The following CDH20 variants were observed in gnomAD, a reference collection of about 807,000 sequenced individuals.
The protein encoded by CDH20 is cadherin-20.
A neutral mutation model predicts 74.2 loss-of-function variants in CDH20; 29 were observed. That is an observed-to-expected ratio of 0.39 (90% CI 0.29 to 0.53). The LOEUF (loss-of-function observed/expected upper bound fraction) is 0.53. CDH20 is among the 20% of genes least tolerant of loss of function. The pLI is 0.69. For missense variants in CDH20, 988 were observed against 1,048.3 expected, an observed-to-expected ratio of 0.94 and a Z score of 0.79; for synonymous variants, 469 against 405.4, an observed-to-expected ratio of 1.16 and a Z score of -1.88.
At position 61,490,598 on chromosome 18, in the gene CDH20, A is replaced by T. The variant is rs1228026052; in HGVS notation, c.45A>T (p.Gly15=). 6.2e-7 allele frequency: 1 copy of T among 1,614,124 alleles called. No individual in the cohort carries two copies. The highest frequency in any genetic ancestry group is 1.1e-5 in the South Asian group (1 of 91,080). Residue 15 remains glycine, a synonymous_variant, in exon 2 of 12, where the codon GGA becomes GGT. Transcript: ENST00000262717. The stretch of plus-strand genomic sequence containing the variant: ...TGAGCAATGCAAAGAACTGGCTTGG[A>T]CTTGGCATGTCCTTGTACTTCTGGG... ...GRMSNAKNWL[G]LGMSLYFWGL...
At chr18:61,453,060 A>T (rs1909447332) in intron 1 of CDH20, among the ~76,000 whole-genome samples, 1 of 152,110 alleles carries the variant, frequency 6.6e-6, no homozygotes, top group African/African-American at 2.4e-5. Context: ...ATAGTCCAAC[A>T]TCCCAGCCAG....
At chr18:61,500,039 G>T (rs773981986) in intron 3 of CDH20, among the ~76,000 whole-genome samples, 1 of 142,690 alleles carries the variant, frequency 7.0e-6, no homozygotes, top group Non-Finnish European at 1.5e-5. Context: ...GGGAGGTGGA[G>T]ATTTCAGTGA....
intron 1 of CDH20, among the ~76,000 whole-genome samples, chr18:61,429,580 A>G (rs1913184533): frequency 6.6e-6 from 1 of 152,298 alleles, no homozygotes; most frequent in Middle Eastern, 3.4e-3. Flanking sequence ...ATTTTCTTTT[A>G]GCTTTTGTCA....
At chr18:61,506,149 A>G (rs1360271795) in intron 5 of CDH20, among the ~76,000 whole-genome samples, 1 of 152,262 alleles carries the variant, frequency 6.6e-6, no homozygotes, top group Non-Finnish European at 1.5e-5. Flanking sequence ...TATCATGTAG[A>G]AATTGTATGT....
intron 1 of CDH20, among the ~76,000 whole-genome samples, chr18:61,347,319 T>TATATACAC (rs869054502): frequency 2.1e-4 from 16 of 77,394 alleles, no homozygotes; most frequent in Admixed American, 9.1e-4. Flanking sequence ...TATATATATA[T>TATATACAC]ACACACACAC....
At chr18:61,366,181 T>A (rs1910855092) in intron 1 of CDH20, among the ~76,000 whole-genome samples, 1 of 152,186 alleles carries the variant, frequency 6.6e-6, no homozygotes, top group Non-Finnish European at 1.5e-5. Flanking sequence ...ATCCTACATA[T>A]TATTCATTTC....
chr18:61,550,693 G>C (rs763931392), intron 11 of CDH20, among the ~76,000 whole-genome samples: 1 of 152,192 alleles, frequency 6.6e-6, no homozygotes, highest in Non-Finnish European at 1.5e-5. Flanking sequence ...CTGAAATGCA[G>C]GCAGGCTATA....
chr18:61,474,868 C>T (rs771411278), intron 1 of CDH20, among the ~76,000 whole-genome samples: 1 of 151,704 alleles, frequency 6.6e-6, no homozygotes, highest in Non-Finnish European at 1.5e-5. Context: ...AAGGAAGGGC[C>T]GGGGAAAGGC....
At chr18:61,339,676 T>C (rs907579758) in intron 1 of CDH20, among the ~76,000 whole-genome samples, 1 of 140,440 alleles carries the variant, frequency 7.1e-6, no homozygotes, top group African/African-American at 2.6e-5. Flanking sequence ...CTGATGGTCA[T>C]AGAAATTTTT....
chr18:61,424,077 T>G (rs930026638), intron 1 of CDH20, among the ~76,000 whole-genome samples: 1 of 152,224 alleles, frequency 6.6e-6, no homozygotes, highest in African/African-American at 2.4e-5. Flanking sequence ...TGTCTTCAAC[T>G]CATGTTTGTT....
chr18:61,417,373 TAAGGA>T (rs1912720600), intron 1 of CDH20, among the ~76,000 whole-genome samples: 1 of 151,898 alleles, frequency 6.6e-6, no homozygotes, highest in Non-Finnish European at 1.5e-5. Context: ...ATAGCCAAGA[TAAGGA>T]ATCAACCTAA....
intron 11 of CDH20, 86 bp from the exon 12 acceptor site, chr18:61,554,104 T>C: frequency 6.7e-7 from 1 of 1,500,426 alleles, no homozygotes; most frequent in East Asian, 2.3e-5. Flanking sequence ...CCTTCCCCTA[T>C]CCGTGGTGAA....
chr18:61,392,568 T>C (rs1419581841), intron 1 of CDH20, among the ~76,000 whole-genome samples: 3 of 152,168 alleles, frequency 2.0e-5, no homozygotes, highest in African/African-American at 4.8e-5. Context: ...ATATCATGAC[T>C]ATCCATCTCC....
At chr18:61,384,828 A>G (rs1349702306) in intron 1 of CDH20, among the ~76,000 whole-genome samples, 1 of 152,250 alleles carries the variant, frequency 6.6e-6, no homozygotes, top group Non-Finnish European at 1.5e-5. Context: ...TATCCCATCA[A>G]TACAAGAATA....
chr18:61,401,049 A>T (rs2144225627), intron 1 of CDH20, among the ~76,000 whole-genome samples: 1 of 152,116 alleles, frequency 6.6e-6, no homozygotes, highest in East Asian at 1.9e-4. Context: ...AATATCTCCT[A>T]CCTCTGGCAT....
chr18:61,472,948 T>C (rs568200923), intron 1 of CDH20, among the ~76,000 whole-genome samples: 2 of 152,356 alleles, frequency 1.3e-5, no homozygotes, highest in East Asian at 3.8e-4. Flanking sequence ...ACGGGTTGTG[T>C]ACACAGCACT....
intron 5 of CDH20, among the ~76,000 whole-genome samples, chr18:61,505,279 A>G (rs968850308): frequency 6.6e-6 from 1 of 151,984 alleles, no homozygotes; most frequent in African/African-American, 2.4e-5. Context: ...GCTTCACAAT[A>G]GCAGAACACT....
intron 6 of CDH20, among the ~76,000 whole-genome samples, chr18:61,515,597 C>T (rs987301572): frequency 1.3e-5 from 2 of 151,370 alleles, no homozygotes; most frequent in African/African-American, 2.4e-5. Flanking sequence ...TACTATGCAG[C>T]CATAAAAAAT....
intron 1 of CDH20, among the ~76,000 whole-genome samples, chr18:61,381,898 T>C (rs1032094081): frequency 6.6e-6 from 1 of 152,208 alleles, no homozygotes; most frequent in Non-Finnish European, 1.5e-5. Context: ...TCTCAACACA[T>C]GAGATCTCTT....
Sources: gnomAD v4.1 joint callset for allele counts (sites outside exome capture counted in the v4.1 genomes callset) on GRCh38, gnomAD v4.1.1 for gene constraint, MANE v1.5 for transcripts, NCBI Gene and HGNC (gene_info 2026-07-23, HGNC 2026-07-21) for gene names.